The following TRIO variants were observed in gnomAD, a reference collection of about 807,000 sequenced individuals.
The protein encoded by TRIO is trio Rho guanine nucleotide exchange factor.
TRIO carries 58 observed loss-of-function variants against 351.9 expected under a neutral mutation model. The ratio of observed to expected loss-of-function variants is 0.16; its 90% CI spans 0.13 to 0.21. The LOEUF (loss-of-function observed/expected upper bound fraction) is 0.21, where lower values mean the gene tolerates loss of function less well. TRIO is among the 10% of genes least tolerant of loss of function. The probability of loss-of-function intolerance (pLI) is 1.00; values close to 1 mark genes in which losing one functional copy is unlikely to be tolerated. For missense variants in TRIO, 3,201 were observed against 4,027.8 expected (o/e 0.79, Z 5.56); for synonymous variants, 1,758 against 1,595.7 (o/e 1.10, Z -2.42).
intron 8 of TRIO, among the ~76,000 whole-genome samples, chr5:14,315,081 A>G (rs1022295428): frequency 1.2e-4 from 19 of 152,308 alleles, no homozygotes; most frequent in Middle Eastern, 3.4e-3. Context: ...GAAGAGGATT[A>G]AAGGAAGCGA....
chr5:14,453,404 A>T (rs1220280165), intron 34 of TRIO, among the ~76,000 whole-genome samples: 1 of 152,242 alleles, frequency 6.6e-6, no homozygotes. Flanking sequence ...CCTAGACGCC[A>T]TGTTAGGCCT....
In TRIO at chr5:14,471,362, T is replaced by C. The variant is rs753324655; in HGVS notation, c.5808T>C (p.Asp1936=). The C allele has an allele frequency of 2.5e-6, 4 of 1,614,022 alleles. No individual in the cohort carries two copies. Among genetic ancestry groups the C allele is most frequent in the South Asian group, 1.1e-5 (1 of 91,058 alleles). ...GCTCACTCCTTGTTGACCAGGGAGATAGTAGCAGCCCTTCCTTCAACCCTT... is the reference window on the plus strand; with the variant it reads ...GCTCACTCCTTGTTGACCAGGGAGACAGTAGCAGCCCTTCCTTCAACCCTT... ...RPSSLLVDQG[D]SSSPSFNPSD... Residue 1936 remains aspartate, a synonymous_variant, in exon 38 of 57, where the codon GAT becomes GAC. Transcript: ENST00000344204.
At chr5:14,388,756 T>TG in intron 24 of TRIO, 77 bp downstream of exon 24, 1 of 1,476,728 alleles carries the variant, frequency 6.8e-7, no homozygotes, top group East Asian at 2.3e-5. Flanking sequence ...TCTTACCTGT[T>TG]GGTAGTCCTT....
At chr5:14,170,665 C>T (rs1166737823) in intron 1 of TRIO, among the ~76,000 whole-genome samples, 1 of 152,034 alleles carries the variant, frequency 6.6e-6, no homozygotes, top group Admixed American at 6.6e-5. Flanking sequence ...CTCCACCATG[C>T]CTGGCTAATT....
intron 31 of TRIO, among the ~76,000 whole-genome samples, chr5:14,405,178 G>A (rs1191836410): frequency 6.6e-6 from 1 of 152,156 alleles, no homozygotes; most frequent in African/African-American, 2.4e-5. Flanking sequence ...GGTTCTCAGA[G>A]GACATTTCTT....
At chr5:14,503,483 C>T (rs1238521839) in intron 54 of TRIO, among the ~76,000 whole-genome samples, 1 of 152,270 alleles carries the variant, frequency 6.6e-6, no homozygotes, top group Non-Finnish European at 1.5e-5. Context: ...CTCTCCTGGC[C>T]TGGTCAGCTG....
At position 14,471,465 on chromosome 5, in the gene TRIO, C is replaced by G; in HGVS notation, c.5911C>G (p.His1971Asp). The change falls in exon 38 of 57, where the codon CAC (histidine) becomes GAC (aspartate). Residue 1971 changes from histidine to aspartate, a missense_variant and splice_region_variant. His to Asp is a moderately conservative substitution (Grantham distance 81). This residue lies in a region of TRIO where 307 missense variants were observed against 396.5 expected (regional missense o/e 0.77). Transcript: ENST00000344204. ...GAAATCCAGCTCTTTAAAGAGAAGA[C>G]AGTAAGACAGAAATGTTTTCATTCT... is the stretch of plus-strand genomic sequence containing the variant. ...ERKSSSLKRR[H>D]YVLQELVETE... 1 of 1,614,050 alleles carries G rather than the reference C, an allele frequency of 6.2e-7. No individual in the cohort carries two copies. The highest frequency in any genetic ancestry group is 8.5e-7 in the Non-Finnish European group (1 of 1,179,998).
At chr5:14,181,788 G>C (rs924354546) in intron 1 of TRIO, among the ~76,000 whole-genome samples, 5 of 152,186 alleles carry the variant, frequency 3.3e-5, no homozygotes, top group Non-Finnish European at 5.9e-5. Flanking sequence ...GGAGAAAGAA[G>C]AGAAAGTCTG....
intron 7 of TRIO, among the ~76,000 whole-genome samples, chr5:14,302,209 A>G (rs1205829171): frequency 2.0e-5 from 3 of 152,178 alleles, no homozygotes; most frequent in African/African-American, 7.2e-5. Flanking sequence ...TGTTAATCTG[A>G]TGCTTCTGTT....
At chr5:14,167,365 AG>A (rs1430435726) in intron 1 of TRIO, among the ~76,000 whole-genome samples, 8 of 151,908 alleles carry the variant, frequency 5.3e-5, no homozygotes, top group African/African-American at 1.7e-4. Context: ...TTCCATTTTT[AG>A]GACTTCTCCC....
At chr5:14,226,859 G>A (rs573542936) in intron 1 of TRIO, among the ~76,000 whole-genome samples, 34 of 16,820 alleles carry the variant, frequency 2.0e-3, no homozygotes, top group African/African-American at 4.0e-3. Flanking sequence ...GTCAGAAGAA[G>A]GGGAGGAAAG....
At chr5:14,149,669 A>G (rs1283815157) in intron 1 of TRIO, among the ~76,000 whole-genome samples, 1 of 152,194 alleles carries the variant, frequency 6.6e-6, no homozygotes, top group African/African-American at 2.4e-5. Flanking sequence ...GGTGATGAAC[A>G]TACTTGAGTT....
chr5:14,204,345 G>A (rs1367557253), intron 1 of TRIO, among the ~76,000 whole-genome samples: 3 of 152,266 alleles, frequency 2.0e-5, no homozygotes, highest in Middle Eastern at 3.4e-3. Flanking sequence ...AGAGAAAGGG[G>A]AGTTCTTTTC....
chr5:14,462,365 T>C (rs1167831410), intron 35 of TRIO, among the ~76,000 whole-genome samples: 1 of 152,238 alleles, frequency 6.6e-6, no homozygotes, highest in Non-Finnish European at 1.5e-5. Flanking sequence ...GCCCTTATTA[T>C]TTCAGTGAAC....
chr5:14,473,459 G>A (rs1754829047), intron 39 of TRIO, among the ~76,000 whole-genome samples: 1 of 152,166 alleles, frequency 6.6e-6, no homozygotes, highest in African/African-American at 2.4e-5. Context: ...AATGAGATAA[G>A]CAACCTGAGT....
intron 1 of TRIO, among the ~76,000 whole-genome samples, chr5:14,215,958 T>A (rs1792190133): frequency 6.6e-6 from 1 of 152,326 alleles, no homozygotes; most frequent in South Asian, 2.1e-4. Flanking sequence ...TCCCCTCCAC[T>A]TAATCAAGCC....
chr5:14,376,018 A>T (rs1471216883), intron 19 of TRIO, among the ~76,000 whole-genome samples: 1 of 152,156 alleles, frequency 6.6e-6, no homozygotes, highest in Non-Finnish European at 1.5e-5. Context: ...CCATATTGTC[A>T]CCATAAGAAT....
intron 1 of TRIO, among the ~76,000 whole-genome samples, chr5:14,185,375 A>G (rs26135): frequency 0.71 from 107,899 of 152,170 alleles, 39,277 homozygotes; most frequent in East Asian, 0.96. Context: ...TCCTGGGCCT[A>G]ACTGGGGTGG....
intron 11 of TRIO, among the ~76,000 whole-genome samples, chr5:14,353,110 A>T (rs1323125068): frequency 6.6e-6 from 1 of 152,120 alleles, no homozygotes; most frequent in Non-Finnish European, 1.5e-5. Flanking sequence ...ATTGGTAGGA[A>T]CCCGAATGTG....
Sources: allele counts gnomAD v4.1 joint callset (sites outside exome capture counted in the v4.1 genomes callset), GRCh38; gene constraint gnomAD v4.1.1; regional missense constraint gnomAD v4.1.1; transcripts MANE v1.5; gene names NCBI Gene and HGNC (gene_info 2026-07-23, HGNC 2026-07-21).